The following ATP6V0A1 variants were observed in gnomAD, a reference collection of about 807,000 sequenced individuals.
ATP6V0A1 encodes V-type proton ATPase 116 kDa subunit a 1.
In ATP6V0A1, 43 loss-of-function variants were observed where a neutral mutation model predicts 105.4. The ratio of observed to expected loss-of-function variants is 0.41; its 90% CI spans 0.32 to 0.53. The LOEUF is 0.53. Among genes scored for constraint, ATP6V0A1 ranks in the 20% least tolerant of loss-of-function variants. The pLI, the probability that ATP6V0A1 is intolerant of heterozygous loss-of-function variation, is 0.30. For synonymous variants in ATP6V0A1, 362 were observed against 372.8 expected (o/e 0.97, Z 0.33); for missense variants, 676 against 1,051.1 (o/e 0.64, Z 4.93).
rs970085598 is a variant in ATP6V0A1, at chr17:42,498,549, C to T, written c.1561-375C>T. Among the ~76,000 whole-genome samples the T allele has an allele frequency of 1.2e-4, 19 of 152,068 alleles. 1 individual carries two copies. Among genetic ancestry groups the T allele is most frequent in the African/African-American group, 3.4e-4 (14 of 41,490 alleles). On this transcript the variant is annotated intron_variant, in intron 14 of 21. Coordinates refer to ENST00000343619, the MANE Select transcript of ATP6V0A1 (RefSeq NM_001130021.3). ...TGATTAATAAATAAAAATTGTCGAC[C>T]GGGCGCGGTGGCTCACGCCTGTAAT...
intron 11 of ATP6V0A1, among the ~76,000 whole-genome samples, chr17:42,492,648 G>A (rs1598921951): frequency 6.7e-6 from 1 of 148,562 alleles, no homozygotes; most frequent in Non-Finnish European, 1.5e-5. Flanking sequence ...GGAGGTTGCC[G>A]TGAGCCGATA....
In ATP6V0A1 at chr17:42,483,037, G is replaced by T; in HGVS notation, c.717-1G>T. On this transcript the variant is annotated splice_acceptor_variant, in intron 8 of 21. Transcript: ENST00000343619. LOFTEE classifies it high-confidence loss of function. Reference sequence around the variant, plus strand: ...GAAACTTCGATGTTCTTATATTCCAGGTTCCGAGCCTCACTCTATCCCTGT... The same window carrying T: ...GAAACTTCGATGTTCTTATATTCCATGTTCCGAGCCTCACTCTATCCCTGT... 1 of 1,474,792 alleles carries T rather than the reference G, an allele frequency of 6.8e-7. No individual in the cohort carries two copies. Among genetic ancestry groups the T allele is most frequent in the South Asian group, 1.5e-5 (1 of 66,750 alleles). The allele number at this position is 1,474,792 out of a possible 1,614,324, so 91.4% of individuals were successfully genotyped here.
At chr17:42,500,562 C>A in intron 15 of ATP6V0A1, 145 bp from the exon 16 acceptor site, 1 of 659,154 alleles carries the variant, frequency 1.5e-6, no homozygotes, top group Non-Finnish European at 2.6e-6. Flanking sequence ...TCTCTGTTGT[C>A]TCCAGCTTCT....
chr17:42,482,563 C>T (rs937266814), intron 8 of ATP6V0A1, among the ~76,000 whole-genome samples: 1 of 151,448 alleles, frequency 6.6e-6, no homozygotes, highest in Admixed American at 6.6e-5. Context: ...CAAGATAGTT[C>T]GGATGCTATA....
intron 15 of ATP6V0A1, among the ~76,000 whole-genome samples, chr17:42,500,351 A>G (rs572447363): frequency 6.6e-6 from 1 of 152,252 alleles, no homozygotes; most frequent in East Asian, 1.9e-4. Context: ...GTGGTGGCGC[A>G]TGCCTGTAGT....
chr17:42,498,623 G>A (rs931862742), intron 14 of ATP6V0A1, among the ~76,000 whole-genome samples: 4 of 151,946 alleles, frequency 2.6e-5, no homozygotes, highest in African/African-American at 9.7e-5. Flanking sequence ...GTCATGAATC[G>A]AGACCATCCT....
chr17:42,479,737 G>T (rs749303060), intron 7 of ATP6V0A1, among the ~76,000 whole-genome samples: 2 of 152,152 alleles, frequency 1.3e-5, no homozygotes, highest in Non-Finnish European at 2.9e-5. Flanking sequence ...CTGCCTAGGG[G>T]TGTAGTTTCA....
intron 2 of ATP6V0A1, among the ~76,000 whole-genome samples, chr17:42,465,139 T>A (rs563149436): frequency 6.6e-6 from 1 of 151,950 alleles, no homozygotes; most frequent in Non-Finnish European, 1.5e-5. Flanking sequence ...ATTACAGGCA[T>A]GTACCATCAT....
Position 42,483,117 on chromosome 17 carries a change from G to A in ATP6V0A1, c.796G>A (p.Asp266Asn), listed in dbSNP as rs748395848. The stretch of plus-strand genomic sequence containing the variant: ...GGCTTCTGGAGTGAATACCAGGATT[G>A]ATGATCTCCAAATGGTATGCAGAAG... ...EMASGVNTRI[D>N]DLQMVLNQTE... is the part of the protein sequence containing the mutation. The change falls in exon 9 of 22, where the codon GAT (aspartate) becomes AAT (asparagine). Residue 266 changes from aspartate to asparagine, a missense_variant. By Grantham distance (23) the Asp-to-Asn change is conservative. Coordinates refer to ENST00000343619, the MANE Select transcript of ATP6V0A1 (RefSeq NM_001130021.3). 6.5e-7 allele frequency: 1 copy of A among 1,542,958 alleles called. No individual in the cohort carries two copies. The highest frequency in any genetic ancestry group is 8.8e-7 in the Non-Finnish European group (1 of 1,139,980).
At chr17:42,492,654 C>T (rs1021384045) in intron 11 of ATP6V0A1, among the ~76,000 whole-genome samples, 3 of 147,952 alleles carry the variant, frequency 2.0e-5, no homozygotes, top group South Asian at 2.1e-4. Context: ...TGCCGTGAGC[C>T]GATATTGCAT....
chr17:42,477,589 T>G (rs2088920349), intron 5 of ATP6V0A1, 71 bp from the exon 6 acceptor site: 1 of 1,527,066 alleles, frequency 6.5e-7, no homozygotes, highest in Non-Finnish European at 9.0e-7. Flanking sequence ...CCTCGTTGCC[T>G]GCATGCCACT....
At chr17:42,459,248 C>T (rs1262245661) in intron 1 of ATP6V0A1, 2 of 152,264 alleles carry the variant, frequency 1.3e-5, no homozygotes, top group Admixed American at 1.3e-4. Flanking sequence ...TAAAGGGTTT[C>T]TCAGTTTGGG....
At chr17:42,465,614 GTTAC>G (rs1206117698) in intron 2 of ATP6V0A1, among the ~76,000 whole-genome samples, 1 of 151,884 alleles carries the variant, frequency 6.6e-6, no homozygotes, top group East Asian at 1.9e-4. Flanking sequence ...TTAGTGAGTA[GTTAC>G]TTGTTTTGTT....
At chr17:42,520,809 A>T (rs569556836) in intron 21 of ATP6V0A1, 2 of 547,860 alleles carry the variant, frequency 3.7e-6, no homozygotes, top group East Asian at 6.4e-5. Flanking sequence ...ACAGAGCAAG[A>T]TTGGGAACTG....
At chr17:42,495,000 T>G (rs1257134077) in intron 12 of ATP6V0A1, 34 bp from the exon 13 acceptor site, 1 of 1,602,408 alleles carries the variant, frequency 6.2e-7, no homozygotes, top group African/African-American at 1.3e-5. Context: ...CTGCAGTGAG[T>G]ACATTCTCAT....
intron 8 of ATP6V0A1, among the ~76,000 whole-genome samples, chr17:42,482,116 C>G (rs1417938441): frequency 6.6e-6 from 1 of 152,116 alleles, no homozygotes; most frequent in African/African-American, 2.4e-5. Flanking sequence ...ACTGGTATTA[C>G]AGGTGTAAGC....
At chr17:42,460,728 AGTT>A (rs1270499020) in intron 1 of ATP6V0A1, 117 bp from the exon 2 acceptor site, 5 of 564,336 alleles carry the variant, frequency 8.9e-6, no homozygotes, top group Non-Finnish European at 1.6e-5. Flanking sequence ...TGTCAAAAAC[AGTT>A]GTTGACCTGT....
intron 5 of ATP6V0A1, among the ~76,000 whole-genome samples, chr17:42,472,163 C>T (rs2145747478): frequency 6.7e-6 from 1 of 148,368 alleles, no homozygotes; most frequent in South Asian, 2.3e-4. Flanking sequence ...AAGCAATTCT[C>T]CTGCCTCAGC....
intron 21 of ATP6V0A1, among the ~76,000 whole-genome samples, chr17:42,515,083 G>A (rs1391751191): frequency 6.6e-6 from 1 of 152,128 alleles, no homozygotes; most frequent in Non-Finnish European, 1.5e-5. Flanking sequence ...TGTGTGGAGA[G>A]AGCATGAGTT....
Sources: gnomAD v4.1 joint callset for allele counts (sites outside exome capture counted in the v4.1 genomes callset) on GRCh38, gnomAD v4.1.1 for gene constraint, MANE v1.5 for transcripts, NCBI Gene and HGNC (gene_info 2026-07-23, HGNC 2026-07-21) for gene names.